Variants in TRPC3 observed in about 807,000 individuals in gnomAD.
The protein encoded by TRPC3 is short transient receptor potential channel 3.
A neutral mutation model predicts 90.9 loss-of-function variants in TRPC3; 54 were observed. That is an observed-to-expected ratio of 0.59 (90% confidence interval 0.48 to 0.75). The LOEUF is 0.75. Among genes scored for constraint, TRPC3 ranks in the 30% least tolerant of loss-of-function variants. TRPC3 has a pLI of 0.00. For synonymous variants in TRPC3, 424 were observed against 450.9 expected (o/e 0.94, Z 0.75); for missense variants, 918 against 1,194.5 (o/e 0.77, Z 3.41).
chr4:121,931,952 A>C (rs1212710944), intron 2 of TRPC3, among the ~76,000 whole-genome samples: 1 of 152,330 alleles, frequency 6.6e-6, no homozygotes. Flanking sequence ...GAAGACAAAA[A>C]GTCACACCCA....
intron 3 of TRPC3, among the ~76,000 whole-genome samples, chr4:121,916,925 G>C (rs2149129786): frequency 6.6e-6 from 1 of 152,034 alleles, no homozygotes; most frequent in East Asian, 1.9e-4. Flanking sequence ...ATGGCGGTCA[G>C]GCTGGTCTCA....
chr4:121,938,116 A>G (rs2149147568), intron 1 of TRPC3, among the ~76,000 whole-genome samples: 1 of 152,052 alleles, frequency 6.6e-6, no homozygotes, highest in African/African-American at 2.4e-5. Context: ...TTTATTTATC[A>G]TTATCCACAG....
intron 3 of TRPC3, among the ~76,000 whole-genome samples, chr4:121,923,624 A>G (rs888128042): frequency 6.6e-6 from 1 of 152,236 alleles, no homozygotes; most frequent in Non-Finnish European, 1.5e-5. Context: ...ATCTCATGCA[A>G]TCCTTAAACA....
intron 4 of TRPC3, among the ~76,000 whole-genome samples, chr4:121,913,218 C>T (rs1305177336): frequency 2.0e-5 from 3 of 152,234 alleles, no homozygotes; most frequent in South Asian, 4.2e-4. Context: ...AAAAAGGGCA[C>T]GTTTGGGGGT....
At chr4:121,888,562 GT>G (rs34467429) in intron 10 of TRPC3, among the ~76,000 whole-genome samples, 135 of 143,648 alleles carry the variant, frequency 9.4e-4, no homozygotes, top group African/African-American at 1.4e-3. Flanking sequence ...ACCAAGTTCT[GT>G]TTTTTTTTTT....
At chr4:121,940,343 A>G (rs781175643) in intron 1 of TRPC3, among the ~76,000 whole-genome samples, 3 of 152,188 alleles carry the variant, frequency 2.0e-5, no homozygotes, top group Non-Finnish European at 4.4e-5. Flanking sequence ...AATTTAAAAC[A>G]CTAATGTGAA....
chr4:121,916,553 G>A (rs1335806150), intron 3 of TRPC3, among the ~76,000 whole-genome samples: 1 of 152,170 alleles, frequency 6.6e-6, no homozygotes. Flanking sequence ...CTTCATGAAT[G>A]AGACTGGAGC....
intron 1 of TRPC3, among the ~76,000 whole-genome samples, chr4:121,942,760 G>A (rs1005018126): frequency 2.6e-5 from 4 of 152,128 alleles, no homozygotes; most frequent in African/African-American, 9.7e-5. Context: ...AGATTCCTCA[G>A]CAGCTAAAAC....
chr4:121,906,305 A>T (rs1728879659), intron 7 of TRPC3, among the ~76,000 whole-genome samples: 1 of 152,128 alleles, frequency 6.6e-6, no homozygotes, highest in African/African-American at 2.4e-5. Flanking sequence ...GAATGGTCAC[A>T]TCCCTAGACA....
chr4:121,886,585 C>T (rs1335636535), intron 10 of TRPC3, among the ~76,000 whole-genome samples: 1 of 152,164 alleles, frequency 6.6e-6, no homozygotes, highest in Non-Finnish European at 1.5e-5. Flanking sequence ...GAAAACAACT[C>T]CTTTGTTTTG....
intron 3 of TRPC3, among the ~76,000 whole-genome samples, chr4:121,924,436 C>T (rs562473253): frequency 6.6e-6 from 1 of 152,302 alleles, no homozygotes; most frequent in South Asian, 2.1e-4. Context: ...ATGACTTATT[C>T]AAGGTCCCAC....
intron 6 of TRPC3, 32 bp downstream of exon 6, chr4:121,910,122 A>C: frequency 1.3e-6 from 2 of 1,593,254 alleles, no homozygotes; most frequent in Non-Finnish European, 1.7e-6. Context: ...CCTTTCCCAA[A>C]ACACAAGGGG....
At chr4:121,895,554 G>A in intron 10 of TRPC3, among the ~76,000 whole-genome samples, 1 of 151,958 alleles carries the variant, frequency 6.6e-6, no homozygotes, top group East Asian at 1.9e-4. Context: ...AGACTACTAT[G>A]AATAACCATA....
Position 121,932,376 on chromosome 4 carries a change from C to T in TRPC3, c.882G>A (p.Leu294=), listed in dbSNP as rs569322806. ...ACAATGAGAGGTAAGCCGGGCTGGC[C>T]AGCCCCTTGTAGGCATTGATCCTCG... The part of the protein sequence containing the change: ...SRSRINAYKG[L]ASPAYLSLSS... Residue 294 remains leucine, a synonymous_variant, in exon 2 of 12, where the codon CTG becomes CTA. Coordinates refer to ENST00000379645, the MANE Select transcript of TRPC3 (RefSeq NM_001130698.2). The surrounding 1 kb of genome is among the most constrained non-coding windows in gnomAD (Gnocchi z 7.7). 1.2e-6 allele frequency: 2 copies of T among 1,614,202 alleles called. No individual in the cohort carries two copies. Among genetic ancestry groups the T allele is most frequent in the African/African-American group, 1.3e-5 (1 of 75,056 alleles).
chr4:121,941,394 GACT>G (rs1467035048), intron 1 of TRPC3, among the ~76,000 whole-genome samples: 3 of 152,204 alleles, frequency 2.0e-5, no homozygotes, highest in African/African-American at 7.2e-5. Context: ...TGAAGAAAGT[GACT>G]GTGCTAACCA....
At chr4:121,942,579 C>T (rs1730357553) in intron 1 of TRPC3, among the ~76,000 whole-genome samples, 1 of 152,142 alleles carries the variant, frequency 6.6e-6, no homozygotes, top group Admixed American at 6.5e-5. Context: ...AAAAAACAAA[C>T]AAACAAACAA....
At chr4:121,880,367 G>T (rs1727899344) in intron 11 of TRPC3, among the ~76,000 whole-genome samples, 1 of 152,046 alleles carries the variant, frequency 6.6e-6, no homozygotes, top group South Asian at 2.1e-4. Context: ...GGGAAAGAAA[G>T]AAAAAAGAGT....
At chr4:121,888,462 G>A (rs1391772593) in intron 10 of TRPC3, among the ~76,000 whole-genome samples, 2 of 151,924 alleles carry the variant, frequency 1.3e-5, no homozygotes, top group Non-Finnish European at 2.9e-5. Flanking sequence ...CTTTAAAGAT[G>A]TTCTAAAAAT....
rs1245535937 is a variant in TRPC3, at chr4:121,877,270, T to C, written c.*2466A>G. ...ATGTGGTGACTCATTAAGGGGATGC[T>C]CTCTGGAGAAAGGGAAGGAAGGAAA... is the stretch of plus-strand genomic sequence containing the variant. On this transcript the variant is annotated 3_prime_UTR_variant, in exon 12 of 12. Coordinates refer to ENST00000379645, the MANE Select transcript of TRPC3 (RefSeq NM_001130698.2). Among the ~76,000 whole-genome samples, 1 of 152,148 alleles carries C rather than the reference T, an allele frequency of 6.6e-6. No individual in the cohort carries two copies. The highest frequency in any genetic ancestry group is 1.5e-5 in the Non-Finnish European group (1 of 68,028).
Sources: gnomAD v4.1 joint callset for allele counts (sites outside exome capture counted in the v4.1 genomes callset) on GRCh38, gnomAD v4.1.1 for gene constraint, Gnocchi (gnomAD v3.1) non-coding constraint, MANE v1.5 for transcripts, NCBI Gene and HGNC (gene_info 2026-07-23, HGNC 2026-07-21) for gene names.